The following FBN2 variants were observed in gnomAD, a reference collection of about 807,000 sequenced individuals.
FBN2 encodes the protein fibrillin 2.
FBN2 carries 105 observed loss-of-function variants against 355.6 expected under a neutral mutation model. The ratio of observed to expected loss-of-function variants is 0.30; its 90% CI spans 0.25 to 0.35. FBN2 has a LOEUF of 0.35. Among genes scored for constraint, FBN2 ranks in the 10% least tolerant of loss-of-function variants. The pLI, the probability that FBN2 is intolerant of heterozygous loss-of-function variation, is 1.00. For synonymous variants in FBN2, 1,350 were observed against 1,301.2 expected, an observed-to-expected ratio of 1.04 and a Z score of -0.81; for missense variants, 3,280 against 3,758.7, an observed-to-expected ratio of 0.87 and a Z score of 3.33.
chr5:128,448,613 C>T (rs983894428), intron 6 of FBN2, among the ~76,000 whole-genome samples: 4 of 152,040 alleles, frequency 2.6e-5, no homozygotes, highest in Non-Finnish European at 4.4e-5. Context: ...CGTGCCTGGC[C>T]TCCAATATCC....
intron 20 of FBN2, among the ~76,000 whole-genome samples, chr5:128,354,224 C>A (rs1053341831): frequency 3.9e-5 from 6 of 152,202 alleles, no homozygotes; most frequent in African/African-American, 1.4e-4. Context: ...TAAAGAGAAC[C>A]CTGCAAACCC....
At chr5:128,457,213 A>G (rs1052971335) in intron 6 of FBN2, among the ~76,000 whole-genome samples, 6 of 152,176 alleles carry the variant, frequency 3.9e-5, no homozygotes, top group African/African-American at 1.4e-4. Flanking sequence ...GAGTCTTAAG[A>G]CCACCTTACT....
intron 7 of FBN2, among the ~76,000 whole-genome samples, chr5:128,430,618 T>C (rs1261168626): frequency 6.6e-6 from 1 of 151,476 alleles, no homozygotes; most frequent in African/African-American, 2.4e-5. Context: ...CTGAGGCGAG[T>C]GGATCATTTG....
At chr5:128,370,270 G>T (rs1476681895) in intron 15 of FBN2, among the ~76,000 whole-genome samples, 2 of 152,110 alleles carry the variant, frequency 1.3e-5, no homozygotes, top group African/African-American at 4.8e-5. Context: ...GCAGTATACT[G>T]ACCTGGTATA....
rs1469491257 is a variant in FBN2, at chr5:128,372,236, T to A, written c.2095+2392A>T. On this transcript the variant is annotated intron_variant, in intron 15 of 64. Coordinates refer to ENST00000262464, the MANE Select transcript of FBN2 (RefSeq NM_001999.4). ...TGCCTGACTTTTCTTCCTTACTTAC[T>A]AAACTGCATCACTGAATAAACTTAA... 1.3e-5 allele frequency among the ~76,000 whole-genome samples: 2 copies of A among 152,228 alleles called. 1 individual carries two copies. The highest frequency in any genetic ancestry group is 3.8e-4 in the East Asian group (2 of 5,196).
At chr5:128,469,694 A>G (rs888468220) in intron 5 of FBN2, among the ~76,000 whole-genome samples, 2 of 152,186 alleles carry the variant, frequency 1.3e-5, no homozygotes, top group East Asian at 1.9e-4. Flanking sequence ...AGGTGAACAG[A>G]GCTTGGAATA....
chr5:128,455,438 C>T (rs1441079210), intron 6 of FBN2, among the ~76,000 whole-genome samples: 3 of 152,040 alleles, frequency 2.0e-5, no homozygotes, highest in Admixed American at 6.6e-5. Flanking sequence ...TTTCATACCA[C>T]GCTAGGAGGG....
chr5:128,378,640 T>C, intron 12 of FBN2, 131 bp downstream of exon 12: 1 of 937,422 alleles, frequency 1.1e-6, no homozygotes. Flanking sequence ...TCTCTGAGGG[T>C]ATTACAAATA....
rs202072752 is a variant in FBN2, at chr5:128,336,036, A to G, written c.3676T>C (p.Ser1226Pro). 3.1e-6 allele frequency: 5 copies of G among 1,614,012 alleles called. No homozygotes were observed. The highest frequency in any genetic ancestry group is 4.5e-5 in the East Asian group (2 of 44,890). Residue 1226 changes from serine to proline, a missense_variant, in exon 28 of 65, where the codon TCT becomes CCT. Physicochemically the swap from Ser to Pro is moderately conservative, Grantham distance 74. This residue lies in a region of FBN2 where 2,284 missense variants were observed against 2,749.5 expected (regional missense o/e 0.83). Coordinates refer to ENST00000262464, the MANE Select transcript of FBN2 (RefSeq NM_001999.4). Reference protein sequence around the residue: ...CVNMIGTYQCSCNPGYQATPD... With the variant: ...CVNMIGTYQCPCNPGYQATPD... ...GTAGCCTGATATCCAGGATTGCAAG[A>G]GCACTGATAGGTTCCAATCATGTTC... is the stretch of plus-strand genomic sequence containing the variant.
intron 5 of FBN2, among the ~76,000 whole-genome samples, chr5:128,508,355 T>C (rs980593296): frequency 3.3e-5 from 5 of 152,014 alleles, no homozygotes; most frequent in Non-Finnish European, 5.9e-5. Context: ...CCTTCTTTTG[T>C]TGCTTTCTTC....
At chr5:128,270,019 A>G (rs112786913) in intron 62 of FBN2, among the ~76,000 whole-genome samples, 8,752 of 152,304 alleles carry the variant, frequency 0.057, 333 homozygotes, top group Non-Finnish European at 0.086. Context: ...GGCACAGAAC[A>G]GAGACCTCAG....
intron 5 of FBN2, among the ~76,000 whole-genome samples, chr5:128,490,589 A>T (rs1755473674): frequency 6.6e-6 from 1 of 152,206 alleles, no homozygotes; most frequent in Non-Finnish European, 1.5e-5. Flanking sequence ...TGCATAAGTG[A>T]TTACACAGGT....
chr5:128,289,002 C>T lies in FBN2; in HGVS notation c.6637+125G>A, dbSNP rs1749240978. 1.5e-5 allele frequency: 14 copies of T among 936,016 alleles called. No individual in the cohort carries two copies. The South Asian group carries it at 1.5e-4, about 10-fold the overall frequency. The allele number at this position is 936,016 out of a possible 1,614,324, so 58.0% of individuals were successfully genotyped here. On this transcript the variant is annotated intron_variant, in intron 52 of 64. Transcript: ENST00000262464. ...AATGTAAGACTGGTGAAGAAGGTGC[C>T]ACTACTAGCTATTTATCCTGGATTT...
intron 54 of FBN2, 30 bp from the exon 55 acceptor site, chr5:128,286,879 T>C: frequency 1.9e-6 from 3 of 1,608,330 alleles, no homozygotes; most frequent in Non-Finnish European, 2.5e-6. Flanking sequence ...TTAAAAATTA[T>C]CTGGAGCAAG....
In FBN2 at chr5:128,374,842, CT is replaced by C; in HGVS notation, c.1973-93del. On this transcript the variant is annotated intron_variant, in intron 14 of 64. Transcript: ENST00000262464. ...GCAGCCACTGCTCTATACTACTAACCTTTTGTTTATAACTTTATAATTTGTG... is the reference window on the plus strand; with the variant it reads ...GCAGCCACTGCTCTATACTACTAACCTTTGTTTATAACTTTATAATTTGTG... 5 of 1,341,884 alleles carry C rather than the reference CT, an allele frequency of 3.7e-6. No homozygotes were observed. In the South Asian group the frequency reaches 6.0e-5, roughly 16 times the overall value. 83.1% of individuals were successfully genotyped at this position (1,341,884 alleles called of 1,614,324 possible).
intron 26 of FBN2, among the ~76,000 whole-genome samples, chr5:128,338,421 G>C (rs1222629664): frequency 6.6e-6 from 1 of 152,154 alleles, no homozygotes; most frequent in South Asian, 2.1e-4. Context: ...ATATATTGTT[G>C]TCAGTTATCC....
chr5:128,305,468 A>G (rs1220869095), intron 44 of FBN2, 43 bp downstream of exon 44: 1 of 1,610,412 alleles, frequency 6.2e-7, no homozygotes, highest in Non-Finnish European at 8.5e-7. Flanking sequence ...AATCTAAGGA[A>G]TCTTGTGCTC....
chr5:128,411,460 T>C (rs1207223993), intron 7 of FBN2, among the ~76,000 whole-genome samples: 1 of 152,032 alleles, frequency 6.6e-6, no homozygotes, highest in African/African-American at 2.4e-5. Context: ...AGTGGGAAGA[T>C]TATCTTCCCC....
chr5:128,505,524 G>C (rs958411842), intron 5 of FBN2, among the ~76,000 whole-genome samples: 29 of 152,008 alleles, frequency 1.9e-4, no homozygotes, highest in Non-Finnish European at 4.0e-4. Context: ...TACATGTATG[G>C]TTTTATACAT....
Sources: gnomAD v4.1 joint callset for allele counts (sites outside exome capture counted in the v4.1 genomes callset) on GRCh38, gnomAD v4.1.1 for gene constraint, gnomAD v4.1.1 regional missense constraint, MANE v1.5 for transcripts, NCBI Gene and HGNC (gene_info 2026-07-23, HGNC 2026-07-21) for gene names.